The following MAML2 variants were observed in gnomAD, a reference collection of about 807,000 sequenced individuals.
The protein encoded by MAML2 is mastermind-like protein 2.
Under a neutral mutation model 96.1 loss-of-function variants are expected in MAML2, and 22 were observed. The ratio of observed to expected loss-of-function variants is 0.23; its 90% confidence interval spans 0.16 to 0.33. The LOEUF is 0.33. MAML2 is among the 10% of genes least tolerant of loss of function. MAML2 has a pLI of 1.00. For synonymous variants in MAML2, 561 were observed against 521.3 expected, an observed-to-expected ratio of 1.08 and a Z score of -1.04; for missense variants, 1,367 against 1,392.4, an observed-to-expected ratio of 0.98 and a Z score of 0.29.
At chr11:96,308,768 T>C (rs1863499897) in intron 1 of MAML2, among the ~76,000 whole-genome samples, 1 of 152,238 alleles carries the variant, frequency 6.6e-6, no homozygotes, top group East Asian at 1.9e-4. Flanking sequence ...GTTTGTTTGC[T>C]TGTTTCTTAT....
chr11:96,311,876 T>C (rs1482190743), intron 1 of MAML2, among the ~76,000 whole-genome samples: 1 of 152,138 alleles, frequency 6.6e-6, no homozygotes, highest in East Asian at 1.9e-4. Flanking sequence ...AGCAAAGATA[T>C]CCTTCTTTGC....
intron 1 of MAML2, among the ~76,000 whole-genome samples, chr11:96,220,714 A>G (rs1376829774): frequency 6.6e-6 from 1 of 152,202 alleles, no homozygotes; most frequent in Non-Finnish European, 1.5e-5. Flanking sequence ...TAACTTGGAA[A>G]AAAGTACAAT....
intron 1 of MAML2, among the ~76,000 whole-genome samples, chr11:96,288,243 A>C (rs898307162): frequency 1.3e-5 from 2 of 152,204 alleles, no homozygotes; most frequent in Non-Finnish European, 2.9e-5. Flanking sequence ...ATATCTGCTG[A>C]TTTTGCAGAT....
chr11:96,030,197 C>T (rs574951449), intron 2 of MAML2, among the ~76,000 whole-genome samples: 14 of 151,620 alleles, frequency 9.2e-5, no homozygotes, highest in African/African-American at 3.4e-4. Flanking sequence ...GATTGCGCCA[C>T]TGCACTCCAG....
At chr11:96,193,866 A>T (rs946123829) in intron 1 of MAML2, among the ~76,000 whole-genome samples, 2 of 152,228 alleles carry the variant, frequency 1.3e-5, no homozygotes, top group African/African-American at 4.8e-5. Context: ...AAAGTAGCTG[A>T]CAAATTCTAC....
chr11:96,226,378 G>C (rs938446134), intron 1 of MAML2, among the ~76,000 whole-genome samples: 6 of 152,140 alleles, frequency 3.9e-5, no homozygotes, highest in Non-Finnish European at 8.8e-5. Context: ...TGGCCTGTCT[G>C]TCTATATAGT....
intron 1 of MAML2, among the ~76,000 whole-genome samples, chr11:96,233,062 T>G (rs926860495): frequency 6.6e-6 from 1 of 152,224 alleles, no homozygotes; most frequent in Non-Finnish European, 1.5e-5. Context: ...TAAGACCAAT[T>G]TTTTAAAGCT....
chr11:96,323,916 C>T (rs1365037037), intron 1 of MAML2, among the ~76,000 whole-genome samples: 4 of 152,230 alleles, frequency 2.6e-5, no homozygotes, highest in South Asian at 2.1e-4. Flanking sequence ...ATAGGCTCTA[C>T]GTGTTCAAGC....
chr11:96,192,588 A>G (rs1055328856), intron 1 of MAML2, among the ~76,000 whole-genome samples: 1 of 152,254 alleles, frequency 6.6e-6, no homozygotes. Flanking sequence ...TTCCATCTTA[A>G]GTCTTGCTAG....
chr11:96,180,532 C>T (rs1368482379), intron 1 of MAML2, among the ~76,000 whole-genome samples: 2 of 152,152 alleles, frequency 1.3e-5, no homozygotes, highest in Non-Finnish European at 2.9e-5. Context: ...AGCCAACAGC[C>T]AGCAGCAACC....
At chr11:96,124,001 C>T (rs1044487994) in intron 1 of MAML2, among the ~76,000 whole-genome samples, 7 of 143,760 alleles carry the variant, frequency 4.9e-5, no homozygotes, top group African/African-American at 1.0e-4. Flanking sequence ...CCCCGGGAGG[C>T]GGAGGTTGCA....
intron 2 of MAML2, among the ~76,000 whole-genome samples, chr11:95,997,438 A>G (rs1029959233): frequency 1.3e-5 from 2 of 152,214 alleles, no homozygotes; most frequent in Non-Finnish European, 2.9e-5. Context: ...TGCCAGACCA[A>G]TGAAAACATG....
intron 1 of MAML2, among the ~76,000 whole-genome samples, chr11:96,283,339 C>T (rs1033291158): frequency 2.0e-5 from 3 of 152,188 alleles, no homozygotes; most frequent in Admixed American, 6.5e-5. Flanking sequence ...CTCTTTAGCA[C>T]ATTTTTTTGT....
At chr11:96,088,259 G>C (rs1227911998) in intron 2 of MAML2, among the ~76,000 whole-genome samples, 1 of 152,134 alleles carries the variant, frequency 6.6e-6, no homozygotes, top group Non-Finnish European at 1.5e-5. Flanking sequence ...CCATTCACTG[G>C]CTGCCTTCCC....
chr11:96,060,539 G>A (rs899116974), intron 2 of MAML2, among the ~76,000 whole-genome samples: 2 of 151,638 alleles, frequency 1.3e-5, no homozygotes, highest in African/African-American at 4.9e-5. Flanking sequence ...AAATATAACA[G>A]AAACACTGAA....
chr11:96,171,605 G>C (rs1314338043), intron 1 of MAML2, among the ~76,000 whole-genome samples: 1 of 152,212 alleles, frequency 6.6e-6, no homozygotes, highest in Non-Finnish European at 1.5e-5. Flanking sequence ...ATGCAGTCAT[G>C]GGACTAATGA....
chr11:96,125,849 A>G (rs1452751381), intron 1 of MAML2, among the ~76,000 whole-genome samples: 1 of 152,202 alleles, frequency 6.6e-6, no homozygotes, highest in East Asian at 1.9e-4. Flanking sequence ...TGATGTAGAA[A>G]GTTAGGGATC....
At chr11:96,081,528 C>T (rs1252310678) in intron 2 of MAML2, among the ~76,000 whole-genome samples, 1 of 152,012 alleles carries the variant, frequency 6.6e-6, no homozygotes. Context: ...AAAAAAACTT[C>T]TGTATTCCCA....
chr11:96,134,093 T>G (rs1474395883), intron 1 of MAML2, among the ~76,000 whole-genome samples: 3 of 152,242 alleles, frequency 2.0e-5, no homozygotes, highest in Non-Finnish European at 4.4e-5. Context: ...TAGTGCTTTA[T>G]AGCTCATAAG....
Sources: allele counts gnomAD v4.1 joint callset (sites outside exome capture counted in the v4.1 genomes callset), GRCh38; gene constraint gnomAD v4.1.1; transcripts MANE v1.5; gene names NCBI Gene and HGNC (gene_info 2026-07-23, HGNC 2026-07-21).